DAPK1: variants seen among roughly 807,000 people sequenced by gnomAD.
DAPK1 encodes the protein death associated protein kinase 1.
In DAPK1, 56 loss-of-function variants were observed where a neutral mutation model predicts 144.9. The observed-to-expected ratio is 0.39, with a 90% confidence interval of 0.31 to 0.48. The LOEUF (loss-of-function observed/expected upper bound fraction) is 0.48, where lower values mean the gene tolerates loss of function less well. DAPK1 is among the 20% of genes least tolerant of loss of function. DAPK1 has a pLI of 0.95. For synonymous variants in DAPK1, 690 were observed against 749.0 expected (o/e 0.92, Z 1.29); for missense variants, 1,454 against 1,875.4 (o/e 0.78, Z 4.15).
intron 18 of DAPK1, among the ~76,000 whole-genome samples, chr9:87,661,980 A>G (rs1830864914): frequency 6.6e-6 from 1 of 152,202 alleles, no homozygotes; most frequent in Admixed American, 6.5e-5. Context: ...TCTTTAATCT[A>G]TCTTGAGTTG....
chr9:87,658,059 A>C lies in DAPK1; in HGVS notation c.1855A>C (p.Asn619His), dbSNP rs749530924. Residue 619 changes from asparagine (N) to histidine (H), a missense_variant, in exon 18 of 26, where the codon AAC becomes CAC. Physicochemically the swap from Asn to His is moderately conservative, Grantham distance 68. Around this residue, in one of 2 missense-constraint regions of DAPK1, gnomAD observed 1,025 missense variants for 1,237.9 expected, o/e 0.83. Coordinates refer to ENST00000408954, the MANE Select transcript of DAPK1 (RefSeq NM_004938.4). Reference protein sequence around the residue: ...YGRTPLHLAANNGILDVVRYL... With the variant: ...YGRTPLHLAAHNGILDVVRYL... The stretch of plus-strand genomic sequence containing the variant: ...GCGAACGCCTCTGCACCTTGCGGCC[A>C]ACAACGGAATCCTAGACGTGGTCCG... 6.5e-7 allele frequency: 1 copy of C among 1,541,706 alleles called. No individual in the cohort carries two copies. Among genetic ancestry groups the C allele is most frequent in the South Asian group, 1.1e-5 (1 of 89,206 alleles).
chr9:87,602,879 ACCTCGG>A (rs1828575658), intron 2 of DAPK1, among the ~76,000 whole-genome samples: 1 of 150,600 alleles, frequency 6.6e-6, no homozygotes, highest in Admixed American at 6.6e-5. Flanking sequence ...TGATCCACCC[ACCTCGG>A]CCTCCCAAAG....
At chr9:87,514,505 C>G (rs925814473) in intron 2 of DAPK1, among the ~76,000 whole-genome samples, 6 of 152,180 alleles carry the variant, frequency 3.9e-5, no homozygotes, top group Non-Finnish European at 7.3e-5. Context: ...TAATTACTTT[C>G]AAATGTCATT....
At chr9:87,642,838 A>C (rs916933308) in intron 10 of DAPK1, among the ~76,000 whole-genome samples, 2 of 152,214 alleles carry the variant, frequency 1.3e-5, no homozygotes, top group Non-Finnish European at 2.9e-5. Flanking sequence ...TCTCGCTCTC[A>C]TTCTTTAACT....
intron 24 of DAPK1, chr9:87,702,038 G>C (rs1399096910): frequency 3.3e-6 from 1 of 301,864 alleles, no homozygotes; most frequent in East Asian, 8.9e-5. Context: ...GCAGGAGGGA[G>C]TGTCCCTGGA....
At chr9:87,582,495 A>G (rs756069051) in intron 2 of DAPK1, among the ~76,000 whole-genome samples, 43 of 150,724 alleles carry the variant, frequency 2.9e-4, no homozygotes, top group Non-Finnish European at 3.8e-4. Context: ...TGTTTCTGCT[A>G]TGTTTACTGA....
At chr9:87,513,153 T>G (rs1478776401) in intron 2 of DAPK1, among the ~76,000 whole-genome samples, 1 of 152,206 alleles carries the variant, frequency 6.6e-6, no homozygotes, top group Non-Finnish European at 1.5e-5. Context: ...ATAAATAGGC[T>G]GTTAAACGAA....
intron 20 of DAPK1, among the ~76,000 whole-genome samples, chr9:87,684,525 G>T (rs748931657): frequency 2.0e-5 from 3 of 152,210 alleles, no homozygotes; most frequent in African/African-American, 7.2e-5. Context: ...GGAGGCCAAG[G>T]CTGAGCTCCC....
chr9:87,582,075 A>G (rs1399233055), intron 2 of DAPK1, among the ~76,000 whole-genome samples: 1 of 152,160 alleles, frequency 6.6e-6, no homozygotes, highest in Non-Finnish European at 1.5e-5. Flanking sequence ...TTTAACAAAG[A>G]TTGATTTTGT....
Position 87,708,326 on chromosome 9 carries a change from G to A in DAPK1, c.*962G>A, listed in dbSNP as rs967103557. 1.3e-5 allele frequency: 2 copies of A among 152,626 alleles called. No individual in the cohort carries two copies. Among genetic ancestry groups the A allele is most frequent in the Non-Finnish European group, 2.9e-5 (2 of 68,094 alleles). The allele number at this position is 152,626 out of a possible 1,614,324, so 9.5% of individuals were successfully genotyped here. ...CCTTATAATTGGTGCATAGCAGATG[G>A]TTTCCACATTTAGATCCTGGTTTCA... On this transcript the variant is annotated 3_prime_UTR_variant, in exon 26 of 26. Transcript: ENST00000408954.
intron 17 of DAPK1, among the ~76,000 whole-genome samples, chr9:87,652,123 C>G (rs1830464749): frequency 6.7e-6 from 1 of 148,786 alleles, no homozygotes; most frequent in South Asian, 2.2e-4. Context: ...GGTCCTGATT[C>G]TGTGTCCATT....
rs552824656 is a variant in DAPK1 at position 87,580,952 on chromosome 9, C to T, written c.63-24002C>T. 6.6e-5 allele frequency among the ~76,000 whole-genome samples: 10 copies of T among 152,226 alleles called. No individual in the cohort carries two copies. In the South Asian group the frequency reaches 1.5e-3, roughly 22 times the overall value. On this transcript the variant is annotated intron_variant, in intron 2 of 25. Coordinates refer to ENST00000408954, the MANE Select transcript of DAPK1 (RefSeq NM_004938.4). Reference sequence around the variant, plus strand: ...TTGTACAACTTGACATTGACACTACCGTGAAATGTAAATTACACGGAACTC... The same window carrying T: ...TTGTACAACTTGACATTGACACTACTGTGAAATGTAAATTACACGGAACTC...
At chr9:87,569,955 C>T (rs1425976743) in intron 2 of DAPK1, among the ~76,000 whole-genome samples, 1 of 152,208 alleles carries the variant, frequency 6.6e-6, no homozygotes, top group Non-Finnish European at 1.5e-5. Flanking sequence ...TTCCGAATGT[C>T]ATGATTTTAT....
intron 2 of DAPK1, among the ~76,000 whole-genome samples, chr9:87,603,779 C>T (rs554158786): frequency 3.3e-5 from 5 of 152,226 alleles, no homozygotes; most frequent in East Asian, 1.9e-4. Flanking sequence ...AGGGTCTTTC[C>T]GTTGTGTTCC....
Position 87,707,385 on chromosome 9 carries a change from A to G in DAPK1, c.*21A>G. On this transcript the variant is annotated 3_prime_UTR_variant, in exon 26 of 26. Coordinates refer to ENST00000408954, the MANE Select transcript of DAPK1 (RefSeq NM_004938.4). The surrounding 1 kb of genome is among the most constrained non-coding windows in gnomAD (Gnocchi z 4.0). ...GGTGAGGGCAGCCTCTGGCTTGGGCAGGGTCTGTTTGGACTGCAGAAGCAA... is the reference window on the plus strand; with the variant it reads ...GGTGAGGGCAGCCTCTGGCTTGGGCGGGGTCTGTTTGGACTGCAGAAGCAA... The G allele has an allele frequency of 6.4e-7, 1 of 1,557,732 alleles. No homozygotes were observed. Among genetic ancestry groups the G allele is most frequent in the Non-Finnish European group, 8.8e-7 (1 of 1,142,494 alleles).
In DAPK1 at chr9:87,707,445, G is replaced by C; in HGVS notation, c.*81G>C. The C allele has an allele frequency of 1.0e-6, 1 of 985,890 alleles. No individual in the cohort carries two copies. The allele number at this position is 985,890 out of a possible 1,614,324, so 61.1% of individuals were successfully genotyped here. ...GTAGCCCATCCTTCCCTTTGGAGAT[G>C]CTGAGGGTGTTTCTTCCTGCACCCA... On this transcript the variant is annotated 3_prime_UTR_variant, in exon 26 of 26. Transcript: ENST00000408954. The surrounding 1 kb of genome is among the most constrained non-coding windows in gnomAD (Gnocchi z 4.0).
At chr9:87,685,936 G>A (rs1587844282) in intron 20 of DAPK1, among the ~76,000 whole-genome samples, 1 of 152,170 alleles carries the variant, frequency 6.6e-6, no homozygotes, top group African/African-American at 2.4e-5. Context: ...ATGAGCAGGT[G>A]TTGAGGAAAT....
intron 21 of DAPK1, among the ~76,000 whole-genome samples, chr9:87,694,074 G>C (rs1376391901): frequency 2.0e-5 from 3 of 152,168 alleles, no homozygotes; most frequent in Non-Finnish European, 4.4e-5. Context: ...AGTGCTGGTA[G>C]TAGTAGCAGT....
chr9:87,665,250 T>C (rs1226753927), intron 18 of DAPK1, among the ~76,000 whole-genome samples: 1 of 152,170 alleles, frequency 6.6e-6, no homozygotes, highest in Admixed American at 6.5e-5. Context: ...TAGGGACTTT[T>C]GTTGGTTTTA....
Sources: allele counts gnomAD v4.1 joint callset (sites outside exome capture counted in the v4.1 genomes callset), GRCh38; gene constraint gnomAD v4.1.1; regional missense constraint gnomAD v4.1.1; non-coding constraint Gnocchi (gnomAD v3.1); transcripts MANE v1.5; gene names NCBI Gene and HGNC (gene_info 2026-07-23, HGNC 2026-07-21).